The following CAST variants were observed in gnomAD, a reference collection of about 807,000 sequenced individuals.
CAST encodes the protein calpastatin, also known as MIR583 host.
In CAST, 76 loss-of-function variants were observed where a neutral mutation model predicts 119.6. That is an observed-to-expected ratio of 0.64 (90% CI 0.53 to 0.77). The LOEUF is 0.77. CAST is among the 30% of genes least tolerant of loss of function. The pLI is 0.00. For missense variants in CAST, 953 were observed against 946.5 expected (o/e 1.01, Z -0.09); for synonymous variants, 319 against 331.6 (o/e 0.96, Z 0.41).
chr5:96,245,793 C>T, the CAST span, among the ~76,000 whole-genome samples: 4 of 152,220 alleles, frequency 2.6e-5, no homozygotes, highest in Middle Eastern at 3.4e-3. Flanking sequence ...TTTGGAAAAT[C>T]CATGCAGCTG....
At chr5:96,413,116 C>T in the CAST span, 3 of 183,506 alleles carry the variant, frequency 1.6e-5, no homozygotes, top group Non-Finnish European at 3.1e-5. Flanking sequence ...TAAAAATAAC[C>T]CAGAGGCCAT....
At chr5:96,592,502 T>C (rs1746980183) in intron 1 of CAST, among the ~76,000 whole-genome samples, 1 of 152,208 alleles carries the variant, frequency 6.6e-6, no homozygotes, top group Non-Finnish European at 1.5e-5. Context: ...ATTAATATGG[T>C]TCTTTCTCAC....
chr5:96,316,889 A>C, the CAST span, among the ~76,000 whole-genome samples: 1 of 152,194 alleles, frequency 6.6e-6, no homozygotes, highest in African/African-American at 2.4e-5. Context: ...GCTCTTCTCA[A>C]ATTAAGTCTT....
At chr5:96,279,051 T>C in the CAST span, among the ~76,000 whole-genome samples, 1 of 152,350 alleles carries the variant, frequency 6.6e-6, no homozygotes, top group South Asian at 2.1e-4. Flanking sequence ...CAGCATTCTA[T>C]TTCTTTGAAT....
the CAST span, chr5:96,398,754 G>GT: frequency 1.2e-6 from 1 of 833,792 alleles, no homozygotes; most frequent in South Asian, 1.5e-5. Context: ...AAATAAGCAT[G>GT]TTTTTTAAGA....
In CAST at chr5:96,774,313, AG is replaced by A; in HGVS notation, c.*1698del. ...CCAGAAGTTTAAAGATGCCTATAAA[AG>A]TAAACAACATTTATTTAAAAAGAAC... On this transcript the variant is annotated 3_prime_UTR_variant, in exon 32 of 32. Transcript: ENST00000675179. 5.4e-6 allele frequency: 1 copy of A among 184,964 alleles called. No homozygotes were observed. The highest frequency in any genetic ancestry group is 1.8e-4 in the East Asian group (1 of 5,462). The allele number at this position is 184,964 out of a possible 1,614,324, so 11.5% of individuals were successfully genotyped here.
chr5:96,607,562 AATATG>A (rs1450744470), intron 1 of CAST, among the ~76,000 whole-genome samples: 6 of 152,234 alleles, frequency 3.9e-5, no homozygotes, highest in South Asian at 2.1e-4. Flanking sequence ...TTTACATATT[AATATG>A]ATATAACTAC....
chr5:96,593,187 G>A (rs1045758413), intron 1 of CAST, among the ~76,000 whole-genome samples: 2 of 152,202 alleles, frequency 1.3e-5, no homozygotes, highest in Non-Finnish European at 2.9e-5. Flanking sequence ...AGTGTGCCTT[G>A]TGCCGTTGCA....
the CAST span, among the ~76,000 whole-genome samples, chr5:95,966,089 A>T: frequency 6.6e-6 from 1 of 152,244 alleles, no homozygotes; most frequent in Non-Finnish European, 1.5e-5. Flanking sequence ...TTAGAGGCTC[A>T]AGAGTTTCTT....
chr5:96,410,907 C>A, the CAST span: 1 of 1,613,492 alleles, frequency 6.2e-7, no homozygotes, highest in Non-Finnish European at 8.5e-7. Context: ...GTCTGTGTAG[C>A]CATCACAGTC....
At position 96,616,103 on chromosome 5, in the gene CAST, A is replaced by G. The variant is rs189234587; in HGVS notation, c.61-59436A>G. 7.9e-5 allele frequency among the ~76,000 whole-genome samples: 12 copies of G among 152,328 alleles called. No individual in the cohort carries two copies. In the East Asian group the frequency reaches 2.3e-3, roughly 29 times the overall value. Reference sequence around the variant, plus strand: ...ATGGTGTTCGTGTTCACCCAGATTAAGGGTGGGTCTGTCTTTCCGAGCCCA... The same window carrying G: ...ATGGTGTTCGTGTTCACCCAGATTAGGGGTGGGTCTGTCTTTCCGAGCCCA... On this transcript the variant is annotated intron_variant, in intron 1 of 11. Coordinates refer to the CAST transcript ENST00000505143.
the CAST span, among the ~76,000 whole-genome samples, chr5:96,006,836 T>C: frequency 6.6e-6 from 1 of 152,194 alleles, no homozygotes; most frequent in African/African-American, 2.4e-5. Flanking sequence ...AATTCTTTTT[T>C]ATATTTTATA....
At chr5:96,083,779 A>G in the CAST span, among the ~76,000 whole-genome samples, 2 of 152,314 alleles carry the variant, frequency 1.3e-5, no homozygotes, top group South Asian at 2.1e-4. Flanking sequence ...GTACCCTGTC[A>G]GCTGCTGCAG....
At chr5:96,243,835 T>A in the CAST span, among the ~76,000 whole-genome samples, 3 of 152,208 alleles carry the variant, frequency 2.0e-5, no homozygotes, top group Non-Finnish European at 4.4e-5. Context: ...TTAATGGCAG[T>A]ATCACATGAG....
At chr5:96,535,277 G>A (rs1745789380) in intron 1 of CAST, among the ~76,000 whole-genome samples, 1 of 152,074 alleles carries the variant, frequency 6.6e-6, no homozygotes, top group Non-Finnish European at 1.5e-5. Flanking sequence ...AATATTGTAA[G>A]GAAACAATAA....
At chr5:96,061,116 A>AACAAGC in the CAST span, among the ~76,000 whole-genome samples, 1 of 152,086 alleles carries the variant, frequency 6.6e-6, no homozygotes, top group Admixed American at 6.6e-5. Flanking sequence ...ATACAGCTAC[A>AACAAGC]CTGAGGGTTC....
At chr5:96,655,842 G>A (rs911975886) in intron 1 of CAST, among the ~76,000 whole-genome samples, 33 of 152,130 alleles carry the variant, frequency 2.2e-4, no homozygotes, top group African/African-American at 7.5e-4. Context: ...TGTGTAAATC[G>A]GGATTTTCAA....
chr5:96,498,381 T>A, the CAST span, among the ~76,000 whole-genome samples: 5 of 152,332 alleles, frequency 3.3e-5, no homozygotes, highest in South Asian at 2.1e-4. Context: ...TAAAGTAGTT[T>A]TTTCCAATTC....
intron 1 of CAST, among the ~76,000 whole-genome samples, chr5:96,637,455 G>A (rs935530819): frequency 6.6e-6 from 1 of 152,172 alleles, no homozygotes; most frequent in African/African-American, 2.4e-5. Flanking sequence ...GTCTGTGAGT[G>A]GGTAAATGAA....
Sources: gnomAD v4.1 joint callset for allele counts (sites outside exome capture counted in the v4.1 genomes callset) on GRCh38, gnomAD v4.1.1 for gene constraint, MANE v1.5 for transcripts, NCBI Gene and HGNC (gene_info 2026-07-23, HGNC 2026-07-21) for gene names.